CAMK1D: variants seen among roughly 807,000 people sequenced by gnomAD.
CAMK1D encodes the protein calcium/calmodulin dependent protein kinase ID.
A neutral mutation model predicts 47.7 loss-of-function variants in CAMK1D; 9 were observed. That is an observed-to-expected ratio of 0.19 (90% confidence interval 0.11 to 0.33). CAMK1D has a LOEUF of 0.33. CAMK1D is among the 10% of genes least tolerant of loss of function. The pLI is 1.00. For synonymous variants in CAMK1D, 184 were observed against 184.9 expected (o/e 0.99, Z 0.04); for missense variants, 291 against 488.7 (o/e 0.60, Z 3.81).
chr10:12,812,391 G>A (rs1832641853), intron 6 of CAMK1D, among the ~76,000 whole-genome samples: 2 of 152,248 alleles, frequency 1.3e-5, no homozygotes, highest in South Asian at 4.1e-4. Context: ...CGAGGAGGGT[G>A]GATCACCTGA....
At chr10:12,827,829 C>T (rs1833312529) in intron 10 of CAMK1D, among the ~76,000 whole-genome samples, 1 of 151,986 alleles carries the variant, frequency 6.6e-6, no homozygotes, top group Non-Finnish European at 1.5e-5. Context: ...GCTGGGACAA[C>T]AGGCATGTAC....
chr10:12,449,276 G>A (rs1833011271), intron 1 of CAMK1D, among the ~76,000 whole-genome samples: 1 of 152,086 alleles, frequency 6.6e-6, no homozygotes, highest in Non-Finnish European at 1.5e-5. Flanking sequence ...CAAGCTGAGT[G>A]GGCAGGGTCC....
intron 5 of CAMK1D, among the ~76,000 whole-genome samples, chr10:12,778,833 A>G (rs1019426744): frequency 6.6e-6 from 1 of 152,130 alleles, no homozygotes; most frequent in Non-Finnish European, 1.5e-5. Context: ...TAAGCACACC[A>G]CTGCACTCCA....
intron 1 of CAMK1D, among the ~76,000 whole-genome samples, chr10:12,493,340 C>T: frequency 6.6e-6 from 1 of 152,170 alleles, no homozygotes; most frequent in South Asian, 2.1e-4. Context: ...CAACAGCCTT[C>T]CACCTTTCAG....
intron 2 of CAMK1D, among the ~76,000 whole-genome samples, chr10:12,633,854 G>C (rs1839444996): frequency 2.0e-5 from 3 of 152,168 alleles, no homozygotes; most frequent in African/African-American, 7.2e-5. Flanking sequence ...AACTTTCCCA[G>C]CCAGGAGTTA....
intron 3 of CAMK1D, among the ~76,000 whole-genome samples, chr10:12,748,616 G>A (rs1201022614): frequency 2.0e-5 from 3 of 152,238 alleles, no homozygotes; most frequent in African/African-American, 7.2e-5. Flanking sequence ...GAGAAGGACA[G>A]TAGCTAGTCC....
At chr10:12,739,545 T>C (rs1211387513) in intron 3 of CAMK1D, among the ~76,000 whole-genome samples, 4 of 150,844 alleles carry the variant, frequency 2.7e-5, no homozygotes, top group African/African-American at 9.8e-5. Context: ...CGCCTCGGCC[T>C]CCCAAAATGC....
At chr10:12,627,703 G>T (rs1839262074) in intron 2 of CAMK1D, among the ~76,000 whole-genome samples, 1 of 152,066 alleles carries the variant, frequency 6.6e-6, no homozygotes, top group Non-Finnish European at 1.5e-5. Context: ...ATGCTGTTGG[G>T]ATTGTTCTTT....
At chr10:12,747,750 C>G (rs181544615) in intron 3 of CAMK1D, among the ~76,000 whole-genome samples, 2 of 152,246 alleles carry the variant, frequency 1.3e-5, no homozygotes, top group East Asian at 3.9e-4. Context: ...GTCTGAAAGC[C>G]AGCAGGCTCG....
At chr10:12,697,656 C>T (rs959178247) in intron 3 of CAMK1D, among the ~76,000 whole-genome samples, 1 of 152,208 alleles carries the variant, frequency 6.6e-6, no homozygotes, top group Non-Finnish European at 1.5e-5. Context: ...GCCTTGGCCT[C>T]CCAAAGTGCT....
intron 2 of CAMK1D, among the ~76,000 whole-genome samples, chr10:12,612,306 G>C (rs7093505): frequency 0.23 from 33,753 of 148,964 alleles, 4,294 homozygotes; most frequent in South Asian, 0.35. Context: ...TTACACATCT[G>C]TTGTCCCAAA....
intron 1 of CAMK1D, among the ~76,000 whole-genome samples, chr10:12,447,434 G>GCCTGTAATCAC (rs1832954805): frequency 6.6e-6 from 1 of 152,168 alleles, no homozygotes; most frequent in Non-Finnish European, 1.5e-5. Flanking sequence ...AGGTGTGGTG[G>GCCTGTAATCAC]CTCATGCCTG....
chr10:12,607,681 C>T (rs1272393197), intron 2 of CAMK1D, among the ~76,000 whole-genome samples: 1 of 152,242 alleles, frequency 6.6e-6, no homozygotes, highest in Non-Finnish European at 1.5e-5. Context: ...TAATAGGGCA[C>T]CTGGTGCAGT....
intron 2 of CAMK1D, among the ~76,000 whole-genome samples, chr10:12,616,054 G>A (rs1216842370): frequency 2.6e-5 from 4 of 150,982 alleles, no homozygotes; most frequent in Admixed American, 6.6e-5. Context: ...TGCACGTGTT[G>A]GTTTATGATA....
chr10:12,405,162 GTT>G, intron 1 of CAMK1D, among the ~76,000 whole-genome samples: 1 of 152,124 alleles, frequency 6.6e-6, no homozygotes, highest in South Asian at 2.1e-4. Context: ...TAAATGTGTA[GTT>G]TCTGTTGTGT....
intron 2 of CAMK1D, among the ~76,000 whole-genome samples, chr10:12,582,387 T>C (rs1453254081): frequency 6.6e-6 from 1 of 152,206 alleles, no homozygotes; most frequent in Non-Finnish European, 1.5e-5. Context: ...TTTGGTGCCA[T>C]ATGAATTTTT....
intron 1 of CAMK1D, among the ~76,000 whole-genome samples, chr10:12,377,380 C>T (rs1838215193): frequency 6.6e-6 from 1 of 152,138 alleles, no homozygotes; most frequent in African/African-American, 2.4e-5. Context: ...ATGGCTAAAA[C>T]ATGTTTCTGT....
rs148143239 is a variant in CAMK1D, at chr10:12,783,928, G to T, written c.566-7230G>T. Among the ~76,000 whole-genome samples, 232 of 152,252 alleles carry T rather than the reference G, an allele frequency of 1.5e-3. 1 individual carries two copies. The highest frequency in any genetic ancestry group is 5.3e-3 in the African/African-American group (219 of 41,548). On this transcript the variant is annotated intron_variant, in intron 5 of 10. Coordinates refer to ENST00000619168, the MANE Select transcript of CAMK1D (RefSeq NM_153498.4). ...AAAGCATGAGTTAATCGTGGTCTCT[G>T]AGAAGGACCACATCTCTCCACAGGG...
intron 1 of CAMK1D, among the ~76,000 whole-genome samples, chr10:12,365,447 T>TTTTTG (rs1354866091): frequency 2.0e-5 from 3 of 152,062 alleles, no homozygotes; most frequent in African/African-American, 7.2e-5. Context: ...TTTGTTTTTG[T>TTTTTG]TTTTGTTTTG....
Sources: allele counts gnomAD v4.1 joint callset (sites outside exome capture counted in the v4.1 genomes callset), GRCh38; gene constraint gnomAD v4.1.1; transcripts MANE v1.5; gene names NCBI Gene and HGNC (gene_info 2026-07-23, HGNC 2026-07-21).